Variants in TBPL1 observed in about 807,000 individuals in gnomAD.
The protein encoded by TBPL1 is TATA box-binding protein-like 1.
TBPL1 carries 4 observed loss-of-function variants against 22.1 expected under a neutral mutation model. The ratio of observed to expected loss-of-function variants is 0.18; its 90% CI spans 0.09 to 0.41. The LOEUF is 0.41. TBPL1 is among the 10% of genes least tolerant of loss of function. The pLI, the probability that TBPL1 is intolerant of heterozygous loss-of-function variation, is 1.00. For missense variants in TBPL1, 115 were observed against 222.3 expected, an observed-to-expected ratio of 0.52 and a Z score of 3.07; for synonymous variants, 64 against 71.0, an observed-to-expected ratio of 0.90 and a Z score of 0.50.
chr6:133,982,944 A>T, intron 4 of TBPL1, 64 bp downstream of exon 4: 1 of 1,452,988 alleles, frequency 6.9e-7, no homozygotes, highest in South Asian at 1.3e-5. Context: ...AGAATTAAAA[A>T]TTGTAATAGA....
At chr6:133,965,703 C>G (rs562149772) in intron 1 of TBPL1, among the ~76,000 whole-genome samples, 8 of 151,580 alleles carry the variant, frequency 5.3e-5, no homozygotes, top group Non-Finnish European at 1.2e-4. Flanking sequence ...TTATTTTTAC[C>G]ACTTACTTTT....
intron 1 of TBPL1, among the ~76,000 whole-genome samples, chr6:133,975,513 TAAAAAAG>T (rs1484175364): frequency 6.6e-6 from 1 of 151,972 alleles, no homozygotes; most frequent in Non-Finnish European, 1.5e-5. Context: ...TCCTGAGAAT[TAAAAAAG>T]AAAAAAGAAA....
intron 1 of TBPL1, among the ~76,000 whole-genome samples, chr6:133,955,971 C>T (rs1159515880): frequency 6.6e-6 from 1 of 152,068 alleles, no homozygotes; most frequent in African/African-American, 2.4e-5. Flanking sequence ...ATTTATGAAA[C>T]ATATAGCTGA....
chr6:133,983,133 CT>C (rs1232054621), intron 4 of TBPL1, among the ~76,000 whole-genome samples: 1 of 152,128 alleles, frequency 6.6e-6, no homozygotes, highest in Non-Finnish European at 1.5e-5. Context: ...AGTTAATTTC[CT>C]TTTCAACTCT....
At chr6:133,986,509 C>G (rs899126522) in intron 6 of TBPL1, among the ~76,000 whole-genome samples, 1 of 152,004 alleles carries the variant, frequency 6.6e-6, no homozygotes, top group Non-Finnish European at 1.5e-5. Flanking sequence ...GATTTTTAAA[C>G]CAGCATTCTG....
At chr6:133,980,962 ATTTTTTTTTT>A (rs10713725) in intron 2 of TBPL1, among the ~76,000 whole-genome samples, 3 of 97,120 alleles carry the variant, frequency 3.1e-5, no homozygotes, top group African/African-American at 8.2e-5. Flanking sequence ...TAATTAATTA[ATTTTTTTTTT>A]TTTTTTTTTT....
At chr6:133,956,921 A>G (rs1416585452) in intron 1 of TBPL1, among the ~76,000 whole-genome samples, 1 of 152,226 alleles carries the variant, frequency 6.6e-6, no homozygotes, top group African/African-American at 2.4e-5. Context: ...AGGTTTTTCC[A>G]GGCTACATAG....
chr6:133,954,266 GT>G (rs1342527494), intron 1 of TBPL1, among the ~76,000 whole-genome samples: 1 of 152,214 alleles, frequency 6.6e-6, no homozygotes, highest in Non-Finnish European at 1.5e-5. Context: ...ATGAGCTTCT[GT>G]ATTTAGGGTT....
At chr6:133,953,705 C>T (rs1411520030) in intron 1 of TBPL1, among the ~76,000 whole-genome samples, 5 of 151,976 alleles carry the variant, frequency 3.3e-5, no homozygotes, top group Non-Finnish European at 5.9e-5. Context: ...GGAGCGTTAC[C>T]GAGCCTGGTG....
rs1324082073 is a variant in TBPL1, at chr6:133,972,134, TC to T, written c.-44-7947del. The stretch of plus-strand genomic sequence containing the variant: ...TATCTCAATGTATTTGTTACTGAGT[TC>T]AAACAGTGAAAGATTTTAAAGTTAA... On this transcript the variant is annotated intron_variant, in intron 1 of 6. Transcript: ENST00000237264. 1.6e-4 allele frequency among the ~76,000 whole-genome samples: 24 copies of T among 152,204 alleles called. 1 individual carries two copies. The highest frequency in any genetic ancestry group is 1.6e-3 in the Admixed American group (24 of 15,282).
rs1338418619 is a variant in TBPL1, at chr6:133,988,027, C to T, written c.*987C>T. 6.6e-6 allele frequency: 1 copy of T among 152,026 alleles called. No homozygotes were observed. Among genetic ancestry groups the T allele is most frequent in the East Asian group, 1.9e-4 (1 of 5,184 alleles). The allele number at this position is 152,026 out of a possible 1,614,324, so 9.4% of individuals were successfully genotyped here. ...TTGACTTTAATCTTGGGTTGATGCCCAAGCCTATACTAAGAGTCTTGTCAG... is the reference window on the plus strand; with the variant it reads ...TTGACTTTAATCTTGGGTTGATGCCTAAGCCTATACTAAGAGTCTTGTCAG... On this transcript the variant is annotated 3_prime_UTR_variant, in exon 7 of 7. Coordinates refer to ENST00000237264, the MANE Select transcript of TBPL1 (RefSeq NM_004865.4).
At chr6:133,964,721 T>G (rs901550528) in intron 1 of TBPL1, among the ~76,000 whole-genome samples, 6 of 152,200 alleles carry the variant, frequency 3.9e-5, no homozygotes, top group Non-Finnish European at 5.9e-5. Flanking sequence ...GTGCTGGGAT[T>G]ACAGGTGTGA....
chr6:133,981,825 A>T (rs577678707), intron 2 of TBPL1, among the ~76,000 whole-genome samples: 1 of 152,338 alleles, frequency 6.6e-6, no homozygotes, highest in African/African-American at 2.4e-5. Context: ...GAAAAGTTGG[A>T]ATGAAAATTT....
intron 6 of TBPL1, chr6:133,985,805 C>A (rs1279356318): frequency 5.3e-5 from 8 of 152,090 alleles, no homozygotes; most frequent in Admixed American, 2.0e-4. Flanking sequence ...TGGGGACTTT[C>A]AAAACGTATT....
Position 133,989,513 on chromosome 6 carries a change from G to A in TBPL1, c.*2473G>A, listed in dbSNP as rs1309639504. ...CTATAAACACGGAAGGAAACATGGGGCAGAACACACTTCCCTTCTCTTTCC... is the reference window on the plus strand; with the variant it reads ...CTATAAACACGGAAGGAAACATGGGACAGAACACACTTCCCTTCTCTTTCC... On this transcript the variant is annotated 3_prime_UTR_variant, in exon 7 of 7. Transcript: ENST00000237264. The A allele has an allele frequency of 6.6e-6, 1 of 152,110 alleles. No homozygotes were observed. The highest frequency in any genetic ancestry group is 1.5e-5 in the Non-Finnish European group (1 of 68,024). 9.4% of individuals were successfully genotyped at this position (152,110 alleles called of 1,614,324 possible). A position where few individuals can be genotyped will look rare whatever the true frequency, so the allele number is the denominator to read the frequency against.
chr6:133,976,121 C>A (rs538823297), intron 1 of TBPL1, among the ~76,000 whole-genome samples: 1 of 151,862 alleles, frequency 6.6e-6, no homozygotes, highest in African/African-American at 2.4e-5. Context: ...TGTCAAAGGG[C>A]TTGTAGGAAA....
intron 1 of TBPL1, among the ~76,000 whole-genome samples, chr6:133,965,576 G>A (rs1196690855): frequency 3.3e-5 from 5 of 150,514 alleles, no homozygotes; most frequent in African/African-American, 1.2e-4. Context: ...TATTTGCTTT[G>A]ATTTGATGGT....
rs1014795332 is a variant in TBPL1, at chr6:133,987,660, A to ATATATATATATATATATATG, written c.*627_*628insATATATATATATGTATATAT. 2.8e-5 allele frequency: 4 copies of ATATATATATATATATATATG among 145,010 alleles called. No individual in the cohort carries two copies. The highest frequency in any genetic ancestry group is 2.2e-4 in the South Asian group (1 of 4,532). 9.0% of individuals were successfully genotyped at this position (145,010 alleles called of 1,614,324 possible). ...TGTGTGTGTGTGTGTATATATATAT[A>ATATATATATATATATATATG]TATATATGCACCACATGTGTATAGT... On this transcript the variant is annotated 3_prime_UTR_variant, in exon 7 of 7. Transcript: ENST00000237264.
chr6:133,982,065 G>A (rs1776425215), intron 2 of TBPL1, among the ~76,000 whole-genome samples: 1 of 152,184 alleles, frequency 6.6e-6, no homozygotes, highest in Admixed American at 6.5e-5. Flanking sequence ...AGCAGAATTA[G>A]GAATTAGAAA....
Sources: gnomAD v4.1 joint callset for allele counts (sites outside exome capture counted in the v4.1 genomes callset) on GRCh38, gnomAD v4.1.1 for gene constraint, MANE v1.5 for transcripts, NCBI Gene and HGNC (gene_info 2026-07-23, HGNC 2026-07-21) for gene names.